GCN1: variants seen among roughly 807,000 people sequenced by gnomAD.
GCN1 encodes the protein GCN1 activator of EIF2AK4.
A neutral mutation model predicts 288.4 loss-of-function variants in GCN1; 90 were observed. That is an observed-to-expected ratio of 0.31 (90% CI 0.26 to 0.37). The LOEUF (loss-of-function observed/expected upper bound fraction) is 0.37, where lower values mean the gene tolerates loss of function less well. Ranked by LOEUF, GCN1 falls within the 10% of genes least tolerant of loss-of-function variation. GCN1 has a pLI of 1.00. For synonymous variants in GCN1, 1,386 were observed against 1,420.2 expected (o/e 0.98, Z 0.54); for missense variants, 2,586 against 3,419.9 (o/e 0.76, Z 6.08).
chr12:120,128,837 CTTTTTT>C (rs35329199), intron 57 of GCN1, among the ~76,000 whole-genome samples: 1 of 98,412 alleles, frequency 1.0e-5, no homozygotes, highest in Non-Finnish European at 1.9e-5. Context: ...TCACCCAAAT[CTTTTTT>C]TTTTTTTTTT....
At position 120,173,785 on chromosome 12, in the gene GCN1, G is replaced by C. The variant is rs892010095; in HGVS notation, c.1234C>G (p.Leu412Val). 6.2e-7 allele frequency: 1 copy of C among 1,614,036 alleles called. No individual in the cohort carries two copies. The highest frequency in any genetic ancestry group is 2.2e-5 in the East Asian group (1 of 44,878). Residue 412 changes from leucine to valine, a missense_variant, in exon 14 of 58, where the codon CTC (leucine) becomes GTC (valine). Coordinates refer to ENST00000300648, the MANE Select transcript of GCN1 (RefSeq NM_006836.2). ...TLVHAVSVLA[L>V]WCNRFTMEVP... ...TCCATAGTGAATCGGTTACACCAGA[G>C]AGCCAGGACTGAGACAGCGTGTACC...
In GCN1 at chr12:120,134,506, C is replaced by T. The variant is rs1322765662; in HGVS notation, c.7202+27G>A. 6.2e-7 allele frequency: 1 copy of T among 1,608,156 alleles called. No individual in the cohort carries two copies. The highest frequency in any genetic ancestry group is 2.2e-5 in the East Asian group (1 of 44,776). ...CAGCAACCCCTGGCCTCCTGGAGGC[C>T]ACAGTGCTCCCTTGCCAGCGCCGTA... On this transcript the variant is annotated intron_variant, in intron 52 of 57. Transcript: ENST00000300648. This position sits in a 1 kb window ranked among gnomAD's most constrained non-coding sequence, Gnocchi z 5.0.
chr12:120,150,877 C>T (rs1877525058), intron 34 of GCN1, among the ~76,000 whole-genome samples: 2 of 151,514 alleles, frequency 1.3e-5, no homozygotes, highest in South Asian at 2.1e-4. Flanking sequence ...GCTGAGCTTG[C>T]AGTGAGCCAA....
At position 120,162,876 on chromosome 12, in the gene GCN1, T is replaced by G. The variant is rs1877974207; in HGVS notation, c.2134A>C (p.Arg712=). ...ITRHLDQIIP[R]MTTQSPLNQS... ...TTTAGGGGACTCTGTGTGGTCATCC[T>G]GGGAATGATCTGATCCAGGTGCCTG... The change falls in exon 20 of 58, where the codon AGG becomes CGG. Residue 712 remains arginine (R), a synonymous_variant. Coordinates refer to ENST00000300648, the MANE Select transcript of GCN1 (RefSeq NM_006836.2). 1.2e-6 allele frequency: 2 copies of G among 1,614,158 alleles called. No homozygotes were observed. Among genetic ancestry groups the G allele is most frequent in the Non-Finnish European group, 8.5e-7 (1 of 1,180,020 alleles).
intron 33 of GCN1, 127 bp from the exon 34 acceptor site, chr12:120,151,518 C>A: frequency 2.1e-6 from 2 of 932,986 alleles, no homozygotes; most frequent in Non-Finnish European, 3.2e-6. Context: ...CCACTGCCTG[C>A]GGATGTCACA....
chr12:120,184,256 G>C lies in GCN1; in HGVS notation c.186-13C>G, dbSNP rs1233172223. On this transcript the variant is annotated splice_polypyrimidine_tract_variant and intron_variant, in intron 3 of 57. Coordinates refer to ENST00000300648, the MANE Select transcript of GCN1 (RefSeq NM_006836.2). Reference sequence around the variant, plus strand: ...GGAGGCTGCATCTCTAGGGGGAGAGGCAAAGGAAAGGGTGAACATGCAGAC... The same window carrying C: ...GGAGGCTGCATCTCTAGGGGGAGAGCCAAAGGAAAGGGTGAACATGCAGAC... 4 of 1,608,506 alleles carry C rather than the reference G, an allele frequency of 2.5e-6. No individual in the cohort carries two copies. Among genetic ancestry groups the C allele is most frequent in the Non-Finnish European group, 3.4e-6 (4 of 1,178,226 alleles).
At chr12:120,174,979 T>A (rs1317016970) in intron 12 of GCN1, among the ~76,000 whole-genome samples, 183 bp downstream of exon 12, 1 of 150,056 alleles carries the variant, frequency 6.7e-6, no homozygotes, top group Admixed American at 6.7e-5. Flanking sequence ...TACAAAAAAA[T>A]TAGCAGGCGT....
intron 14 of GCN1, among the ~76,000 whole-genome samples, chr12:120,172,710 T>C (rs1292541450): frequency 6.6e-6 from 1 of 152,192 alleles, no homozygotes; most frequent in Non-Finnish European, 1.5e-5. Flanking sequence ...GGTTACACCA[T>C]GTTGGCCAGG....
At chr12:120,188,645 C>T (rs1878905560) in intron 2 of GCN1, among the ~76,000 whole-genome samples, 1 of 151,882 alleles carries the variant, frequency 6.6e-6, no homozygotes, top group Non-Finnish European at 1.5e-5. Flanking sequence ...GTCAGGAGAT[C>T]GAGACCATCC....
chr12:120,184,132 G>A lies in GCN1; in HGVS notation c.297C>T (p.Gly99=), dbSNP rs1276258613. ...CTTACCTGGGAACACCTGCTTTGGA[G>A]CCTATACCAGAAGACTGCAGAGAGT... ...LLHSLQSSGI[G]SKAGVPSKSS... is the part of the protein sequence containing the mutation. Residue 99 remains glycine (G), a synonymous_variant, in exon 4 of 58, where the codon GGC becomes GGT. Transcript: ENST00000300648. The A allele has an allele frequency of 6.2e-7, 1 of 1,613,716 alleles. No homozygotes were observed. Among genetic ancestry groups the A allele is most frequent in the Non-Finnish European group, 8.5e-7 (1 of 1,179,724 alleles).
chr12:120,128,629 G>A (rs991573518), intron 57 of GCN1, among the ~76,000 whole-genome samples: 1 of 152,046 alleles, frequency 6.6e-6, no homozygotes, highest in Non-Finnish European at 1.5e-5. Context: ...GAGCCACCGC[G>A]GCTGGCCAGC....
At chr12:120,182,193 A>C (rs565595918) in intron 5 of GCN1, among the ~76,000 whole-genome samples, 1 of 152,076 alleles carries the variant, frequency 6.6e-6, no homozygotes, top group African/African-American at 2.4e-5. Flanking sequence ...CACTCAGTGC[A>C]GATAAGCCAA....
intron 31 of GCN1, 116 bp downstream of exon 31, chr12:120,154,852 ACT>A (rs1337560047): frequency 4.9e-6 from 6 of 1,234,944 alleles, no homozygotes; most frequent in Non-Finnish European, 7.1e-6. Context: ...GGCCTCCCCG[ACT>A]CTGAGGGAGG....
In GCN1 at chr12:120,148,189, A is replaced by G. The variant is rs60583316; in HGVS notation, c.4704T>C (p.Val1568=). The change falls in exon 37 of 58, where the codon GTT becomes GTC. Residue 1568 remains valine (V), a synonymous_variant. Coordinates refer to ENST00000300648, the MANE Select transcript of GCN1 (RefSeq NM_006836.2). ...TACCCAGGATCTCCGGGTTCCTGAT[A>G]ACGGAGCCGATCTGCCTGAGCGCCT... ...GQQALRQIGS[V]IRNPEILAIA... The G allele has an allele frequency of 1.7e-3, 2,700 of 1,613,420 alleles. 56 individuals are homozygous for G. In the African/African-American group the frequency reaches 0.031, roughly 19 times the overall value.
At chr12:120,186,956 T>C (rs1236754271) in intron 2 of GCN1, among the ~76,000 whole-genome samples, 1 of 152,206 alleles carries the variant, frequency 6.6e-6, no homozygotes, top group Non-Finnish European at 1.5e-5. Flanking sequence ...CGGTATCACA[T>C]GGCTGCCTTT....
At chr12:120,190,077 T>C (rs1878955020) in intron 2 of GCN1, among the ~76,000 whole-genome samples, 1 of 151,310 alleles carries the variant, frequency 6.6e-6, no homozygotes, top group South Asian at 2.1e-4. Context: ...ATACAAAAAT[T>C]AGGCAGGCAT....
rs1200301603 is a variant in GCN1, at chr12:120,153,414, A to G, written c.3868-7T>C. The G allele has an allele frequency of 5.6e-6, 9 of 1,613,304 alleles. No individual in the cohort carries two copies. The highest frequency in any genetic ancestry group is 7.6e-6 in the Non-Finnish European group (9 of 1,179,750). ...ACAGCGAGTTGACGTTCTCCTGGAA[A>G]GCCAAACCCCTCAGAGCCTCAGGTC... On this transcript the variant is annotated splice_region_variant and splice_polypyrimidine_tract_variant and intron_variant, in intron 32 of 57. Coordinates refer to ENST00000300648, the MANE Select transcript of GCN1 (RefSeq NM_006836.2). The surrounding 1 kb of genome is among the most constrained non-coding windows in gnomAD (Gnocchi z 4.4).
chr12:120,178,917 G>C lies in GCN1; in HGVS notation c.460C>G (p.Leu154Val), dbSNP rs776337121. 3 of 1,613,768 alleles carry C rather than the reference G, an allele frequency of 1.9e-6. No individual in the cohort carries two copies. The African/African-American group carries it at 4.0e-5, about 22-fold the overall frequency. ...EVQCLLLLEV[L>V]GGSHKHAVDG... ...ACGGCGTGCTTGTGGGAGCCACCCA[G>C]CACCTCCAGCAAGAGCAGGCACTGC... The change falls in exon 6 of 58, where the codon CTG becomes GTG. Residue 154 changes from leucine to valine, a missense_variant. This residue lies in a region of GCN1 where 913 missense variants were observed against 1,107.0 expected (regional missense o/e 0.82). Transcript: ENST00000300648.
Position 120,140,843 on chromosome 12 carries a change from C to T in GCN1, c.5994+16G>A. On this transcript the variant is annotated intron_variant, in intron 45 of 57. Coordinates refer to ENST00000300648, the MANE Select transcript of GCN1 (RefSeq NM_006836.2). The stretch of plus-strand genomic sequence containing the variant: ...TCTGCAGTGCACAGCTGGCGGGATC[C>T]TTGGAAGATACTCACGGCATCCCGG... The T allele has an allele frequency of 1.9e-6, 3 of 1,611,150 alleles. No individual in the cohort carries two copies. Among genetic ancestry groups the T allele is most frequent in the Non-Finnish European group, 2.5e-6 (3 of 1,178,502 alleles).
Sources: allele counts gnomAD v4.1 joint callset (sites outside exome capture counted in the v4.1 genomes callset), GRCh38; gene constraint gnomAD v4.1.1; regional missense constraint gnomAD v4.1.1; non-coding constraint Gnocchi (gnomAD v3.1); transcripts MANE v1.5; gene names NCBI Gene and HGNC (gene_info 2026-07-23, HGNC 2026-07-21).